Variants in ROBO1 observed in about 807,000 individuals in gnomAD.
ROBO1 encodes roundabout guidance receptor 1, also known as roundabout homolog 1.
ROBO1 carries 149 observed loss-of-function variants against 195.9 expected under a neutral mutation model. The ratio of observed to expected loss-of-function variants is 0.76; its 90% CI spans 0.67 to 0.87. The LOEUF (loss-of-function observed/expected upper bound fraction) is 0.87, where lower values mean the gene tolerates loss of function less well. Among genes scored for constraint, ROBO1 ranks in the 40% least tolerant of loss-of-function variants. The pLI, the probability that ROBO1 is intolerant of heterozygous loss-of-function variation, is 0.00. For missense variants in ROBO1, 1,933 were observed against 2,068.3 expected, an observed-to-expected ratio of 0.93 and a Z score of 1.27; for synonymous variants, 816 against 733.2, an observed-to-expected ratio of 1.11 and a Z score of -1.82.
chr3:78,982,749 C>G (rs1182624727), intron 3 of ROBO1, among the ~76,000 whole-genome samples: 1 of 152,028 alleles, frequency 6.6e-6, no homozygotes, highest in Non-Finnish European at 1.5e-5. Context: ...CTGCCTCAGC[C>G]TCCTGAACAG....
intron 4 of ROBO1, among the ~76,000 whole-genome samples, chr3:78,782,522 T>C (rs1373695436): frequency 6.6e-6 from 1 of 152,088 alleles, no homozygotes; most frequent in African/African-American, 2.4e-5. Flanking sequence ...TTAATGTCGC[T>C]TCCAAGCACC....
intron 2 of ROBO1, among the ~76,000 whole-genome samples, chr3:79,398,066 C>G (rs1422794703): frequency 6.6e-6 from 1 of 151,978 alleles, no homozygotes; most frequent in East Asian, 1.9e-4. Context: ...CAAATTGCCA[C>G]CTAATAGTGC....
At chr3:79,338,146 G>A (rs995710643) in intron 2 of ROBO1, among the ~76,000 whole-genome samples, 1 of 152,048 alleles carries the variant, frequency 6.6e-6, no homozygotes, top group East Asian at 1.9e-4. Context: ...TGCAGTAATT[G>A]CTTGCTGTTG....
chr3:79,673,151 C>CA (rs1043125215), intron 1 of ROBO1, among the ~76,000 whole-genome samples: 1 of 151,890 alleles, frequency 6.6e-6, no homozygotes, highest in East Asian at 1.9e-4. Context: ...TCTCGAAAGC[C>CA]AAAAAAATTG....
intron 4 of ROBO1, among the ~76,000 whole-genome samples, chr3:78,937,114 T>C (rs1292275969): frequency 2.0e-5 from 3 of 152,268 alleles, no homozygotes; most frequent in African/African-American, 2.4e-5. Context: ...TTTACACTCA[T>C]ATCAGAAATT....
chr3:79,021,049 T>C (rs1374708791), intron 3 of ROBO1, among the ~76,000 whole-genome samples: 2 of 152,180 alleles, frequency 1.3e-5, no homozygotes, highest in Non-Finnish European at 2.9e-5. Flanking sequence ...AGCGACATTT[T>C]GTGGAAACTC....
intron 3 of ROBO1, among the ~76,000 whole-genome samples, chr3:79,082,077 T>G (rs2079284686): frequency 6.6e-6 from 1 of 152,176 alleles, no homozygotes; most frequent in Admixed American, 6.6e-5. Flanking sequence ...AAGCTAACTT[T>G]AAAGTGTCCT....
chr3:79,660,331 A>T (rs147533375), intron 1 of ROBO1, among the ~76,000 whole-genome samples: 3 of 152,126 alleles, frequency 2.0e-5, no homozygotes, highest in South Asian at 2.1e-4. Flanking sequence ...CCATATTCTC[A>T]GAAGTAGTGT....
rs568325618 is a variant in ROBO1 at position 79,101,505 on chromosome 3, C to T, written c.172+23951G>A. Among the ~76,000 whole-genome samples, 251 of 151,896 alleles carry T rather than the reference C, an allele frequency of 1.7e-3. 2 individuals are homozygous for T. The highest frequency in any genetic ancestry group is 5.5e-3 in the African/African-American group (229 of 41,504). On this transcript the variant is annotated intron_variant, in intron 3 of 30. Coordinates refer to ENST00000464233, the MANE Select transcript of ROBO1 (RefSeq NM_002941.4). Reference sequence around the variant, plus strand: ...GACACCTGCCTAGCGGTTGCCTCTCCGCCCAGAGTCTCTGAGTTCCTGTTT... The same window carrying T: ...GACACCTGCCTAGCGGTTGCCTCTCTGCCCAGAGTCTCTGAGTTCCTGTTT...
At chr3:79,024,047 G>A (rs1030733618) in intron 3 of ROBO1, among the ~76,000 whole-genome samples, 6 of 152,038 alleles carry the variant, frequency 3.9e-5, no homozygotes, top group African/African-American at 7.2e-5. Context: ...TGAAGATACT[G>A]TAAAGGACCA....
intron 3 of ROBO1, among the ~76,000 whole-genome samples, chr3:79,113,948 G>A (rs999126460): frequency 5.3e-5 from 8 of 152,140 alleles, no homozygotes; most frequent in African/African-American, 1.9e-4. Context: ...TAATCCGCAT[G>A]TGTCAAGGGC....
intron 2 of ROBO1, among the ~76,000 whole-genome samples, chr3:79,333,064 G>A (rs537395225): frequency 4.0e-4 from 61 of 152,024 alleles, no homozygotes; most frequent in African/African-American, 1.3e-3. Flanking sequence ...TTAGCCAGGG[G>A]GGGTAGCATG....
At chr3:78,917,720 G>A (rs950646794) in intron 4 of ROBO1, among the ~76,000 whole-genome samples, 42 of 152,168 alleles carry the variant, frequency 2.8e-4, no homozygotes, top group Non-Finnish European at 2.9e-4. Flanking sequence ...TCATGTCCCA[G>A]TAAGATAATT....
In ROBO1 at chr3:78,668,010, A is replaced by T; in HGVS notation, c.1839T>A (p.Asn613Lys). Residue 613 changes from asparagine to lysine, a missense_variant, in exon 14 of 31, where the codon AAT becomes AAA. Asn to Lys is a moderately conservative substitution (Grantham distance 94, BLOSUM62 0). Coordinates refer to ENST00000464233, the MANE Select transcript of ROBO1 (RefSeq NM_002941.4). ...SGSSWQTVAE[N>K]VKTETSAIKG... Reference sequence around the variant, plus strand: ...TAATGGCAGATGTTTCTGTTTTCACATTCTCTGCTACGGTCTGCCAGCTGC... The same window carrying T: ...TAATGGCAGATGTTTCTGTTTTCACTTTCTCTGCTACGGTCTGCCAGCTGC... 6.2e-7 allele frequency: 1 copy of T among 1,613,694 alleles called. No individual in the cohort carries two copies. The highest frequency in any genetic ancestry group is 8.5e-7 in the Non-Finnish European group (1 of 1,179,746).
rs139419186 is a variant in ROBO1 at position 78,875,510 on chromosome 3, T to C, written c.499+63091A>G. On this transcript the variant is annotated intron_variant, in intron 4 of 30. Transcript: ENST00000464233. ...ATGAAGCCTTATAGTTAGGGTAACC[T>C]GGTTTCACTGATTACTAACTTATAA... is the stretch of plus-strand genomic sequence containing the variant. Among the ~76,000 whole-genome samples, 337 of 152,162 alleles carry C rather than the reference T, an allele frequency of 2.2e-3. 3 individuals are homozygous for C. Among genetic ancestry groups the C allele is most frequent in the Admixed American group, 3.9e-3 (59 of 15,260 alleles).
chr3:79,067,602 C>T (rs1430918979), intron 3 of ROBO1, among the ~76,000 whole-genome samples: 1 of 147,516 alleles, frequency 6.8e-6, no homozygotes, highest in African/African-American at 2.5e-5. Flanking sequence ...AAGATTCCAT[C>T]AGTATTTTCA....
intron 2 of ROBO1, among the ~76,000 whole-genome samples, chr3:79,555,874 T>A (rs1479921994): frequency 1.3e-5 from 2 of 152,170 alleles, no homozygotes; most frequent in Non-Finnish European, 2.9e-5. Flanking sequence ...GCTAATGTAC[T>A]GGGAATTGCA....
At chr3:79,659,775 G>GC (rs1946277282) in intron 1 of ROBO1, among the ~76,000 whole-genome samples, 1 of 152,006 alleles carries the variant, frequency 6.6e-6, no homozygotes, top group Non-Finnish European at 1.5e-5. Context: ...ACATCATCTA[G>GC]CCCCCTCTAA....
intron 2 of ROBO1, among the ~76,000 whole-genome samples, chr3:79,182,973 C>T (rs1368237386): frequency 2.7e-5 from 4 of 149,308 alleles, no homozygotes; most frequent in African/African-American, 9.9e-5. Context: ...CCCAGCTACT[C>T]GGGAGGCTGA....
Sources: gnomAD v4.1 joint callset for allele counts (sites outside exome capture counted in the v4.1 genomes callset) on GRCh38, gnomAD v4.1.1 for gene constraint, MANE v1.5 for transcripts, NCBI Gene and HGNC (gene_info 2026-07-23, HGNC 2026-07-21) for gene names.